MSI2: variants seen among roughly 807,000 people sequenced by gnomAD.
MSI2 encodes the protein musashi RNA binding protein 2.
A neutral mutation model predicts 45.6 loss-of-function variants in MSI2; 17 were observed. The observed-to-expected ratio is 0.37, with a 90% CI of 0.26 to 0.56. The LOEUF is 0.56. Among genes scored for constraint, MSI2 ranks in the 20% least tolerant of loss-of-function variants. MSI2 has a pLI of 0.77. For synonymous variants in MSI2, 156 were observed against 158.2 expected (o/e 0.99, Z 0.11); for missense variants, 293 against 444.2 (o/e 0.66, Z 3.06).
intron 5 of MSI2, among the ~76,000 whole-genome samples, chr17:57,334,825 A>C (rs1263354687): frequency 6.6e-6 from 1 of 152,052 alleles, no homozygotes; most frequent in Non-Finnish European, 1.5e-5. Context: ...AGATAAAAAA[A>C]TACGTCCTCC....
chr17:57,452,469 G>C (rs1341662168), intron 6 of MSI2, among the ~76,000 whole-genome samples: 2 of 152,252 alleles, frequency 1.3e-5, no homozygotes, highest in African/African-American at 4.8e-5. Flanking sequence ...CCCATGCCAG[G>C]CCAGAGGCCT....
At chr17:57,607,502 T>C (rs534535490) in intron 8 of MSI2, among the ~76,000 whole-genome samples, 2 of 152,204 alleles carry the variant, frequency 1.3e-5, no homozygotes, top group Non-Finnish European at 1.5e-5. Flanking sequence ...CATTTACAAG[T>C]AGGTCCCCTG....
At chr17:57,544,296 G>A (rs1164824570) in intron 7 of MSI2, among the ~76,000 whole-genome samples, 1 of 152,160 alleles carries the variant, frequency 6.6e-6, no homozygotes. Context: ...TCTTTAGTGT[G>A]GGACTAATTA....
intron 6 of MSI2, among the ~76,000 whole-genome samples, chr17:57,481,741 T>A (rs2085652065): frequency 6.6e-6 from 1 of 152,208 alleles, no homozygotes; most frequent in Non-Finnish European, 1.5e-5. Context: ...GCAACAGTGG[T>A]AAGACTCGGC....
chr17:57,367,912 T>G (rs1230508759), intron 5 of MSI2, among the ~76,000 whole-genome samples: 1 of 152,096 alleles, frequency 6.6e-6, no homozygotes, highest in Non-Finnish European at 1.5e-5. Context: ...GCAAGTTCTC[T>G]TCCAGTGATG....
intron 6 of MSI2, among the ~76,000 whole-genome samples, chr17:57,520,055 A>G (rs1216123691): frequency 6.6e-6 from 1 of 152,238 alleles, no homozygotes; most frequent in African/African-American, 2.4e-5. Context: ...AAAATTTTTA[A>G]ATTTTAAAAA....
At chr17:57,608,641 C>G (rs1001617251) in intron 8 of MSI2, among the ~76,000 whole-genome samples, 1 of 152,256 alleles carries the variant, frequency 6.6e-6, no homozygotes, top group East Asian at 1.9e-4. Flanking sequence ...TCTTTGTTGC[C>G]GTCTTGCAAA....
chr17:57,492,475 G>A (rs910890388), intron 6 of MSI2, among the ~76,000 whole-genome samples: 3 of 152,188 alleles, frequency 2.0e-5, no homozygotes, highest in African/African-American at 7.2e-5. Context: ...GATGGGCAAG[G>A]GAAAAACATA....
At position 57,394,382 on chromosome 17, in the gene MSI2, T is replaced by C. The variant is rs2083851848; in HGVS notation, c.313-6997T>C. Among the ~76,000 whole-genome samples, 2 of 152,126 alleles carry C rather than the reference T, an allele frequency of 1.3e-5. 1 individual carries two copies. The highest frequency in any genetic ancestry group is 4.8e-5 in the African/African-American group (2 of 41,426). ...AGAGTGGCTGGGACCTGCCATAAGA[T>C]TGACATGAGGACTAAGTCAGGCAAC... On this transcript the variant is annotated intron_variant, in intron 5 of 13. Transcript: ENST00000284073.
chr17:57,446,164 T>C (rs888287327), intron 6 of MSI2, among the ~76,000 whole-genome samples: 4 of 151,928 alleles, frequency 2.6e-5, no homozygotes, highest in African/African-American at 9.7e-5. Flanking sequence ...GGGGTGTGTG[T>C]GAGGGTGTCG....
chr17:57,409,701 G>A (rs781348371), intron 6 of MSI2, among the ~76,000 whole-genome samples: 1 of 152,246 alleles, frequency 6.6e-6, no homozygotes, highest in East Asian at 1.9e-4. Flanking sequence ...CAAGTAGTGC[G>A]TGGGAGACAG....
At chr17:57,433,937 A>T (rs9907713) in intron 6 of MSI2, among the ~76,000 whole-genome samples, 1 of 152,202 alleles carries the variant, frequency 6.6e-6, no homozygotes, top group Non-Finnish European at 1.5e-5. Context: ...TTAAATTTTT[A>T]AAAATGTTAT....
chr17:57,515,832 T>G (rs762323182), intron 6 of MSI2, among the ~76,000 whole-genome samples: 18 of 152,228 alleles, frequency 1.2e-4, no homozygotes, highest in Non-Finnish European at 2.2e-4. Flanking sequence ...GCATAGTTGT[T>G]TGTATTATAA....
chr17:57,545,437 C>T (rs1026718712), intron 7 of MSI2, among the ~76,000 whole-genome samples: 1 of 152,226 alleles, frequency 6.6e-6, no homozygotes, highest in African/African-American at 2.4e-5. Flanking sequence ...ATCCCCACCC[C>T]TGTATCCCAC....
intron 10 of MSI2, among the ~76,000 whole-genome samples, chr17:57,644,222 T>G (rs530792079): frequency 1.9e-4 from 29 of 151,808 alleles, no homozygotes; most frequent in Non-Finnish European, 2.7e-4. Flanking sequence ...TTGTTTTTTT[T>G]TTTTTTTTTT....
intron 5 of MSI2, among the ~76,000 whole-genome samples, chr17:57,345,589 C>T (rs976990149): frequency 2.9e-4 from 44 of 152,122 alleles, no homozygotes; most frequent in African/African-American, 1.0e-3. Context: ...GGGACTGAGG[C>T]GAGTGGATCA....
chr17:57,562,742 C>T (rs1598402562), intron 7 of MSI2, among the ~76,000 whole-genome samples: 1 of 152,128 alleles, frequency 6.6e-6, no homozygotes, highest in African/African-American at 2.4e-5. Flanking sequence ...AGGGACTGCA[C>T]GAATGGAGAG....
chr17:57,563,742 G>T (rs1567902443), intron 7 of MSI2, among the ~76,000 whole-genome samples: 1 of 110,756 alleles, frequency 9.0e-6, no homozygotes. Context: ...ACACACACAG[G>T]CGCGCACACA....
intron 5 of MSI2, among the ~76,000 whole-genome samples, chr17:57,385,306 A>G (rs983535268): frequency 3.3e-5 from 5 of 152,184 alleles, no homozygotes; most frequent in African/African-American, 1.2e-4. Context: ...TCATGTCTCC[A>G]TCCTCATCTC....
Sources: allele counts gnomAD v4.1 joint callset (sites outside exome capture counted in the v4.1 genomes callset), GRCh38; gene constraint gnomAD v4.1.1; transcripts MANE v1.5; gene names NCBI Gene and HGNC (gene_info 2026-07-23, HGNC 2026-07-21).